Variants in KLHL7 observed in about 807,000 individuals in gnomAD.
KLHL7 encodes kelch like family member 7.
Under a neutral mutation model 67.4 loss-of-function variants are expected in KLHL7, and 44 were observed. The observed-to-expected ratio is 0.65, with a 90% CI of 0.51 to 0.84. The LOEUF (loss-of-function observed/expected upper bound fraction) is 0.84. KLHL7 is among the 40% of genes least tolerant of loss of function. The pLI is 0.00. For missense variants in KLHL7, 362 were observed against 718.1 expected, an observed-to-expected ratio of 0.50 and a Z score of 5.67; for synonymous variants, 252 against 243.3, an observed-to-expected ratio of 1.04 and a Z score of -0.33.
intron 2 of KLHL7, among the ~76,000 whole-genome samples, chr7:23,124,390 A>G (rs1783484561): frequency 6.6e-6 from 1 of 151,610 alleles, no homozygotes; most frequent in African/African-American, 2.4e-5. Flanking sequence ...TACTTCCTCT[A>G]CTTAGTACTA....
At chr7:23,149,981 A>G (rs535911671) in intron 6 of KLHL7, among the ~76,000 whole-genome samples, 30 of 152,316 alleles carry the variant, frequency 2.0e-4, no homozygotes, top group African/African-American at 6.7e-4. Flanking sequence ...CCTCATTTAT[A>G]GAAATGTTTT....
chr7:23,126,474 A>G (rs1419180499), intron 4 of KLHL7, among the ~76,000 whole-genome samples: 1 of 152,170 alleles, frequency 6.6e-6, no homozygotes, highest in Non-Finnish European at 1.5e-5. Flanking sequence ...GAAAAGTAGA[A>G]TGAAGGAAAG....
At position 23,105,911 on chromosome 7, in the gene KLHL7, C is replaced by A; in HGVS notation, c.-116C>A. ...GCCTGCCGCGCGTTCCAGAGCTGGGCGCTGCAGCTGCACTGCCGATCGCCG... is the reference window on the plus strand; with the variant it reads ...GCCTGCCGCGCGTTCCAGAGCTGGGAGCTGCAGCTGCACTGCCGATCGCCG... On this transcript the variant is annotated 5_prime_UTR_variant, in exon 1 of 11. Coordinates refer to ENST00000339077, the MANE Select transcript of KLHL7 (RefSeq NM_001031710.3). 6.8e-7 allele frequency: 1 copy of A among 1,467,172 alleles called. No homozygotes were observed. The highest frequency in any genetic ancestry group is 9.2e-7 in the Non-Finnish European group (1 of 1,085,078). 90.9% of individuals were successfully genotyped at this position (1,467,172 alleles called of 1,614,324 possible).
intron 7 of KLHL7, among the ~76,000 whole-genome samples, chr7:23,157,414 T>TG (rs1784739502): frequency 6.6e-6 from 1 of 152,182 alleles, no homozygotes; most frequent in Non-Finnish European, 1.5e-5. Flanking sequence ...CTTCCTTAGT[T>TG]GTCAGCATCA....
At chr7:23,139,846 T>G (rs1784115435) in intron 4 of KLHL7, among the ~76,000 whole-genome samples, 1 of 152,034 alleles carries the variant, frequency 6.6e-6, no homozygotes, top group South Asian at 2.1e-4. Context: ...ATGGACCACA[T>G]GTGGTCCTTA....
rs201757686 is a variant in KLHL7 at position 23,128,422 on chromosome 7, TAAAAAAAAA to T, written c.442+3271_442+3279del. 3.3e-3 allele frequency among the ~76,000 whole-genome samples: 382 copies of T among 116,918 alleles called. 2 individuals are homozygous for T. Among genetic ancestry groups the T allele is most frequent in the African/African-American group, 0.011 (360 of 34,132 alleles). The allele number at this position is 116,918 out of a possible 152,430, so 76.7% of individuals were successfully genotyped here. On this transcript the variant is annotated intron_variant, in intron 4 of 10. Transcript: ENST00000339077. ...AATAAGACTACGACTTCTTTGGGTT[TAAAAAAAAA>T]AAAAAAAAAAAAAAAAAAAAGAACT...
At chr7:23,113,973 C>T (rs1415949745) in intron 1 of KLHL7, among the ~76,000 whole-genome samples, 7 of 144,562 alleles carry the variant, frequency 4.8e-5, no homozygotes, top group African/African-American at 1.5e-4. Context: ...AAAAAAGAAG[C>T]TTGAAAAGCA....
At chr7:23,147,122 C>T (rs867540504) in intron 6 of KLHL7, among the ~76,000 whole-genome samples, 5 of 143,092 alleles carry the variant, frequency 3.5e-5, no homozygotes, top group Middle Eastern at 7.3e-3. Context: ...TAGACAGTCT[C>T]GCTGGCTTCC....
intron 5 of KLHL7, among the ~76,000 whole-genome samples, chr7:23,143,048 A>G (rs1332779266): frequency 1.3e-5 from 2 of 152,214 alleles, no homozygotes; most frequent in African/African-American, 4.8e-5. Flanking sequence ...AAACTATTCT[A>G]AAATAAATTT....
chr7:23,147,904 TCTGCCATTGGG>T (rs11271006), intron 6 of KLHL7, among the ~76,000 whole-genome samples: 66,391 of 151,740 alleles, frequency 0.44, 16,405 homozygotes, highest in African/African-American at 0.68. Context: ...TGCTGCTGCT[TCTGCCATTGGG>T]CAGGTATTTT....
chr7:23,156,644 A>T lies in KLHL7; in HGVS notation c.936+4435A>T, dbSNP rs374731681. 4.6e-5 allele frequency among the ~76,000 whole-genome samples: 7 copies of T among 152,224 alleles called. No individual in the cohort carries two copies. In the East Asian group the frequency reaches 9.6e-4, roughly 21 times the overall value. On this transcript the variant is annotated intron_variant, in intron 7 of 10. Coordinates refer to ENST00000339077, the MANE Select transcript of KLHL7 (RefSeq NM_001031710.3). ...ATGGGACTCTGCATATTCCCTGCCA[A>T]CAATAAACTAGTAGTAAGACTAGCA...
At chr7:23,163,536 C>A (rs1188394020) in intron 7 of KLHL7, among the ~76,000 whole-genome samples, 1 of 152,006 alleles carries the variant, frequency 6.6e-6, no homozygotes, top group Non-Finnish European at 1.5e-5. Context: ...TCACATAGGG[C>A]AAGATACAAT....
chr7:23,121,308 A>G (rs1783326395), intron 1 of KLHL7, among the ~76,000 whole-genome samples: 2 of 151,862 alleles, frequency 1.3e-5, no homozygotes, highest in South Asian at 4.2e-4. Context: ...GGGGGTGCAG[A>G]TGTCTCTTTG....
chr7:23,138,088 ACT>A (rs1041631179), intron 4 of KLHL7, among the ~76,000 whole-genome samples: 1 of 151,192 alleles, frequency 6.6e-6, no homozygotes, highest in African/African-American at 2.4e-5. Context: ...AGGCAGGAGG[ACT>A]GCTTGAACCT....
At chr7:23,114,426 T>C (rs1054206833) in intron 1 of KLHL7, among the ~76,000 whole-genome samples, 1 of 152,218 alleles carries the variant, frequency 6.6e-6, no homozygotes, top group Non-Finnish European at 1.5e-5. Flanking sequence ...TTATGTCTCG[T>C]TTGGTTATTG....
At chr7:23,157,811 A>G (rs1470452571) in intron 7 of KLHL7, among the ~76,000 whole-genome samples, 1 of 152,194 alleles carries the variant, frequency 6.6e-6, no homozygotes, top group Non-Finnish European at 1.5e-5. Context: ...TCATGACATC[A>G]AACTCATTCT....
At chr7:23,107,984 T>G (rs893035415) in intron 1 of KLHL7, among the ~76,000 whole-genome samples, 1 of 152,222 alleles carries the variant, frequency 6.6e-6, no homozygotes, top group African/African-American at 2.4e-5. Flanking sequence ...TTGATGGGAA[T>G]TGGCAGAAAC....
At chr7:23,157,461 G>A (rs968662957) in intron 7 of KLHL7, among the ~76,000 whole-genome samples, 1 of 152,192 alleles carries the variant, frequency 6.6e-6, no homozygotes, top group African/African-American at 2.4e-5. Context: ...TCTGCAGTTT[G>A]TGCATGAAAG....
chr7:23,134,812 A>G (rs1451721103), intron 4 of KLHL7, among the ~76,000 whole-genome samples: 1 of 151,454 alleles, frequency 6.6e-6, no homozygotes. Flanking sequence ...CTCCTTTTTC[A>G]TTTCTGATTT....
Sources: allele counts gnomAD v4.1 joint callset (sites outside exome capture counted in the v4.1 genomes callset), GRCh38; gene constraint gnomAD v4.1.1; transcripts MANE v1.5; gene names NCBI Gene and HGNC (gene_info 2026-07-23, HGNC 2026-07-21).